Variants in NPSR1 observed in about 807,000 individuals in gnomAD.
NPSR1 encodes the protein neuropeptide S receptor.
Under a neutral mutation model 46.9 loss-of-function variants are expected in NPSR1, and 48 were observed. The ratio of observed to expected loss-of-function variants is 1.02; its 90% CI spans 0.81 to 1.30. The LOEUF (loss-of-function observed/expected upper bound fraction) is 1.30. NPSR1 is among the 50% of genes most tolerant of loss of function. NPSR1 has a pLI of 0.00. For missense variants in NPSR1, 450 were observed against 449.5 expected, an observed-to-expected ratio of 1.00 and a Z score of -0.01; for synonymous variants, 176 against 168.1, an observed-to-expected ratio of 1.05 and a Z score of -0.36.
chr7:34,817,906 T>C (rs528667530), intron 4 of NPSR1, among the ~76,000 whole-genome samples: 22 of 152,300 alleles, frequency 1.4e-4, no homozygotes, highest in Non-Finnish European at 3.1e-4. Context: ...TAGGTATTGA[T>C]TGAACATATC....
At chr7:34,790,764 T>C (rs1787729447) in intron 3 of NPSR1, among the ~76,000 whole-genome samples, 1 of 122,960 alleles carries the variant, frequency 8.1e-6, no homozygotes, top group South Asian at 2.5e-4. Flanking sequence ...TTATATGTTA[T>C]ATATAATATA....
At chr7:34,780,661 T>C (rs999758180) in intron 3 of NPSR1, among the ~76,000 whole-genome samples, 1 of 152,168 alleles carries the variant, frequency 6.6e-6, no homozygotes, top group Non-Finnish European at 1.5e-5. Context: ...AGTATCCAAC[T>C]CTGTAACAGC....
At position 34,778,486 on chromosome 7, in the gene NPSR1, T is replaced by C. The variant is rs542257541; in HGVS notation, c.305T>C (p.Ile102Thr). The change falls in exon 3 of 9, where the codon ATC becomes ACC. Residue 102 changes from isoleucine (I) to threonine (T), a missense_variant. By Grantham distance (89) the Ile-to-Thr change is moderately conservative. Transcript: ENST00000360581. Reference sequence around the variant, plus strand: ...GATTCTTTCACAGGACTGGTCAACATCTTGACAGATATTAATTGGCGATTC... The same window carrying C: ...GATTCTTTCACAGGACTGGTCAACACCTTGACAGATATTAATTGGCGATTC... ...ITDSFTGLVN[I>T]LTDINWRFTG... 6.2e-6 allele frequency: 10 copies of C among 1,610,492 alleles called. No homozygotes were observed. In the African/African-American group the frequency reaches 9.4e-5, roughly 15 times the overall value.
At chr7:34,668,826 C>T (rs1321848485) in intron 1 of NPSR1, among the ~76,000 whole-genome samples, 1 of 152,190 alleles carries the variant, frequency 6.6e-6, no homozygotes, top group African/African-American at 2.4e-5. Context: ...ACACATATGA[C>T]TTCCACTCAC....
At chr7:34,765,097 C>T (rs12534369) in intron 2 of NPSR1, among the ~76,000 whole-genome samples, 21,860 of 152,134 alleles carry the variant, frequency 0.14, 2,069 homozygotes, top group East Asian at 0.33. Flanking sequence ...GATGACCCTA[C>T]TAACAACAAA....
At position 34,836,125 on chromosome 7, in the gene NPSR1, T is replaced by A. The variant is rs1223080325; in HGVS notation, c.757+1665T>A. Among the ~76,000 whole-genome samples, 3 of 152,152 alleles carry A rather than the reference T, an allele frequency of 2.0e-5. No individual in the cohort carries two copies. In the East Asian group the frequency reaches 5.8e-4, roughly 29 times the overall value. On this transcript the variant is annotated intron_variant, in intron 6 of 8. Coordinates refer to ENST00000360581, the MANE Select transcript of NPSR1 (RefSeq NM_207172.2). ...AGCTTGGGGCTAATTCCAGCCCCCA[T>A]GCAGATCCTAGTGCTTCCCTTCCAC... is the stretch of plus-strand genomic sequence containing the variant.
intron 2 of NPSR1, among the ~76,000 whole-genome samples, chr7:34,772,052 T>C (rs541228515): frequency 4.6e-5 from 7 of 152,330 alleles, no homozygotes; most frequent in Admixed American, 1.3e-4. Context: ...TATTGTAACA[T>C]CTTGTGAGTC....
chr7:34,736,796 A>G (rs1398461661), intron 2 of NPSR1, among the ~76,000 whole-genome samples: 1 of 152,004 alleles, frequency 6.6e-6, no homozygotes, highest in African/African-American at 2.4e-5. Flanking sequence ...TTGTAGACAT[A>G]AGGTCTCTCT....
At position 34,809,556 on chromosome 7, in the gene NPSR1, C is replaced by G. The variant is rs1010503649; in HGVS notation, c.385-2214C>G. Among the ~76,000 whole-genome samples, 4 of 150,972 alleles carry G rather than the reference C, an allele frequency of 2.6e-5. No individual in the cohort carries two copies. In the East Asian group the frequency reaches 7.9e-4, roughly 30 times the overall value. ...TCGGCTCACTGCAAGCTCTGCCTCC[C>G]GGGTTCACGCCATTCTCCTGCCTCA... is the stretch of plus-strand genomic sequence containing the variant. On this transcript the variant is annotated intron_variant, in intron 3 of 8. Transcript: ENST00000360581.
At chr7:34,715,356 G>C (rs1783509468) in intron 2 of NPSR1, among the ~76,000 whole-genome samples, 1 of 152,196 alleles carries the variant, frequency 6.6e-6, no homozygotes, top group African/African-American at 2.4e-5. Flanking sequence ...TCAGGCCCAA[G>C]TGGTTTATAA....
Position 34,751,927 on chromosome 7 carries a change from GT to G in NPSR1, c.281-26533del. ...TCCCGCAGTCACTCAAACAACTTGT[GT>G]TCCTGAGGCAACTGGAAGTGGGGGT... On this transcript the variant is annotated intron_variant, in intron 2 of 8. Transcript: ENST00000360581. The G allele has an allele frequency of 2.2e-6, 3 of 1,363,306 alleles. No homozygotes were observed. The South Asian group carries it at 3.5e-5, about 16-fold the overall frequency. The allele number at this position is 1,363,306 out of a possible 1,614,324, so 84.5% of individuals were successfully genotyped here. A position where few individuals can be genotyped will look rare whatever the true frequency, so the allele number is the denominator to read the frequency against.
chr7:34,751,055 C>T (rs1785496281), intron 2 of NPSR1: 3 of 777,808 alleles, frequency 3.9e-6, no homozygotes, highest in South Asian at 1.4e-5. Context: ...GCAGCATGGC[C>T]ATCTCACTCA....
At chr7:34,685,601 G>T (rs978687368) in intron 2 of NPSR1, 8 of 322,480 alleles carry the variant, frequency 2.5e-5, no homozygotes, top group African/African-American at 4.7e-5. Flanking sequence ...AACCTGTACT[G>T]TTATCTCAGC....
chr7:34,809,388 A>C (rs901346984), intron 3 of NPSR1, among the ~76,000 whole-genome samples: 10 of 150,458 alleles, frequency 6.6e-5, no homozygotes, highest in Non-Finnish European at 1.3e-4. Context: ...TGAGGGGTAC[A>C]TGTGCAGGTT....
chr7:34,763,491 A>G (rs10267134), intron 2 of NPSR1, among the ~76,000 whole-genome samples: 21,670 of 152,036 alleles, frequency 0.14, 2,060 homozygotes, highest in East Asian at 0.33. Flanking sequence ...GTTATCCCAT[A>G]GTATAGTGGA....
intron 2 of NPSR1, among the ~76,000 whole-genome samples, chr7:34,718,621 C>G (rs931274412): frequency 6.6e-6 from 1 of 152,146 alleles, no homozygotes; most frequent in African/African-American, 2.4e-5. Context: ...AAGGGTAGAC[C>G]TACATTGAAG....
intron 2 of NPSR1, chr7:34,750,664 C>CA: frequency 4.3e-6 from 3 of 696,742 alleles, no homozygotes; most frequent in Non-Finnish European, 8.1e-6. Context: ...CCATAACTGA[C>CA]AAAAAAGAAC....
At chr7:34,778,167 A>C (rs1338364622) in intron 2 of NPSR1, among the ~76,000 whole-genome samples, 1 of 152,124 alleles carries the variant, frequency 6.6e-6, no homozygotes, top group East Asian at 1.9e-4. Context: ...CATACCCCGA[A>C]AACTTCTGTT....
chr7:34,863,399 G>C (rs187142764), intron 8 of NPSR1, among the ~76,000 whole-genome samples: 25 of 151,900 alleles, frequency 1.6e-4, no homozygotes, highest in African/African-American at 5.6e-4. Context: ...TTAAACTAAA[G>C]AGCTTCTGCA....
Sources: allele counts gnomAD v4.1 joint callset (sites outside exome capture counted in the v4.1 genomes callset), GRCh38; gene constraint gnomAD v4.1.1; transcripts MANE v1.5; gene names NCBI Gene and HGNC (gene_info 2026-07-23, HGNC 2026-07-21).